The following BSG variants were observed in gnomAD, a reference collection of about 807,000 sequenced individuals.
The protein encoded by BSG is basigin (Ok blood group).
BSG carries 37 observed loss-of-function variants against 43.1 expected under a neutral mutation model. The ratio of observed to expected loss-of-function variants is 0.86; its 90% CI spans 0.66 to 1.13. BSG has a LOEUF of 1.13. Among genes scored for constraint, BSG ranks in the 50% most tolerant of loss-of-function variants. BSG has a pLI of 0.00. For synonymous variants in BSG, 309 were observed against 238.7 expected, an observed-to-expected ratio of 1.29 and a Z score of -2.72; for missense variants, 599 against 554.2, an observed-to-expected ratio of 1.08 and a Z score of -0.81.
intron 2 of BSG, chr19:579,252 A>AGGGTGCCTTCCCGAAGG (rs28992468): frequency 5.2e-5 from 32 of 615,424 alleles, no homozygotes; most frequent in Non-Finnish European, 7.0e-5. Flanking sequence ...CTGCCAGCGA[A>AGGGTGCCTTCCCGAAGG]GGGTGCCTTC....
chr19:572,592 C>G, upstream of BSG: 2 of 1,449,110 alleles, frequency 1.4e-6, no homozygotes, highest in Middle Eastern at 1.8e-4. Context: ...CGGGCGGCGG[C>G]GGCAGCGGTT....
intron 1 of BSG, among the ~76,000 whole-genome samples, chr19:576,859 G>T (rs191693960): frequency 1.8e-3 from 269 of 152,330 alleles, no homozygotes; most frequent in African/African-American, 6.3e-3. Flanking sequence ...TCCTGTCCCC[G>T]TGGCCTTGGG....
In BSG at chr19:575,782, C is replaced by T. The variant is rs375925694; in HGVS notation, c.68-1992C>T. 4.1e-4 allele frequency among the ~76,000 whole-genome samples: 62 copies of T among 152,248 alleles called. No individual in the cohort carries two copies. In the East Asian group the frequency reaches 0.011, roughly 27 times the overall value. ...CGTCTCATGTGGCCAGAATCGAATT[C>T]TAACCTTTCTGGGGCTGTGGCCGAG... is the stretch of plus-strand genomic sequence containing the variant. On this transcript the variant is annotated intron_variant, in intron 1 of 8. Coordinates refer to ENST00000333511, the MANE Select transcript of BSG (RefSeq NM_001728.4).
At chr19:580,246 CTTTT>C (rs1982162889) in intron 3 of BSG, 129 bp from the exon 4 acceptor site, 1 of 769,108 alleles carries the variant, frequency 1.3e-6, no homozygotes, top group African/African-American at 1.7e-5. Context: ...CCCAGGAGTT[CTTTT>C]GAGGTTCAGA....
At chr19:577,440 G>A (rs551307834) in intron 1 of BSG, among the ~76,000 whole-genome samples, 14 of 152,206 alleles carry the variant, frequency 9.2e-5, no homozygotes, top group Admixed American at 2.6e-4. Context: ...AGGACGGTGC[G>A]CTTGGGACCT....
rs1475437909 is a variant in BSG, at chr19:577,757, G to GCGTGCTCTCCCCACAGC, written c.68-14_70dup. On this transcript the variant is annotated splice_polypyrimidine_tract_variant and intron_variant, in intron 1 of 8. Coordinates refer to ENST00000333511, the MANE Select transcript of BSG (RefSeq NM_001728.4). ...GCCCCAGGCACTAACAAGACCCCAC[G>GCGTGCTCTCCCCACAGC]CGTGCTCTCCCCACAGCCGGCTTCG... 1.1e-5 allele frequency: 15 copies of GCGTGCTCTCCCCACAGC among 1,391,484 alleles called. No homozygotes were observed. Among genetic ancestry groups the GCGTGCTCTCCCCACAGC allele is most frequent in the African/African-American group, 8.8e-5 (6 of 68,166 alleles). 86.2% of individuals were successfully genotyped at this position (1,391,484 alleles called of 1,614,324 possible).
intron 1 of BSG, among the ~76,000 whole-genome samples, chr19:575,906 C>T (rs1021940674): frequency 6.6e-6 from 1 of 152,128 alleles, no homozygotes; most frequent in Non-Finnish European, 1.5e-5. Context: ...TCTGCATTGT[C>T]CCCGAGGAGC....
chr19:578,188 C>T, intron 2 of BSG, 67 bp downstream of exon 2: 1 of 1,409,348 alleles, frequency 7.1e-7, no homozygotes, highest in South Asian at 1.4e-5. Context: ...CCTCCCGGCT[C>T]CTGCTCAGTA....
intron 1 of BSG, among the ~76,000 whole-genome samples, chr19:576,962 T>TGTGTGTG (rs1568349198): frequency 0.13 from 20,269 of 151,286 alleles, 1,513 homozygotes; most frequent in South Asian, 0.25. Context: ...ACGTGTGTCC[T>TGTGTGTG]TGTGTGTGTG....
Position 582,599 on chromosome 19 carries a change from C to T in BSG, c.*5+17C>T. ...CTGAGGCAGGTGCGGTGGGCGGGAGCTCCTCCTGAGCCAGGTGTGGTGGGT... is the reference window on the plus strand; with the variant it reads ...CTGAGGCAGGTGCGGTGGGCGGGAGTTCCTCCTGAGCCAGGTGTGGTGGGT... On this transcript the variant is annotated intron_variant, in intron 8 of 8. Transcript: ENST00000333511. 7.1e-7 allele frequency: 1 copy of T among 1,418,010 alleles called. No homozygotes were observed. Among genetic ancestry groups the T allele is most frequent in the Non-Finnish European group, 9.5e-7 (1 of 1,053,220 alleles). The allele number at this position is 1,418,010 out of a possible 1,614,324, so 87.8% of individuals were successfully genotyped here.
intron 1 of BSG, 152 bp from the exon 2 acceptor site, chr19:577,622 T>G (rs577273590): frequency 3.6e-5 from 21 of 580,648 alleles, no homozygotes; most frequent in African/African-American, 3.5e-4. Flanking sequence ...CCATGCTGTT[T>G]CCAGCCGGGC....
At chr19:581,631 G>A in intron 6 of BSG, 40 bp downstream of exon 6, 5 of 1,528,092 alleles carry the variant, frequency 3.3e-6, no homozygotes, top group South Asian at 2.5e-5. Context: ...CCTGCTCTCG[G>A]GGTGGCCCAG....
intron 3 of BSG, 62 bp downstream of exon 3, chr19:579,718 G>A (rs763006257): frequency 2.8e-5 from 43 of 1,550,754 alleles, no homozygotes; most frequent in Non-Finnish European, 3.6e-5. Flanking sequence ...TGCCGCCAGC[G>A]GCCTGTGGTC....
chr19:579,214 C>A, intron 2 of BSG: 1 of 547,418 alleles, frequency 1.8e-6, no homozygotes. Context: ...CCTCTGGGTT[C>A]CCAGCGCCTT....
intron 3 of BSG, 34 bp downstream of exon 3, chr19:579,690 C>A: frequency 1.3e-6 from 2 of 1,576,910 alleles, no homozygotes; most frequent in South Asian, 1.2e-5. Flanking sequence ...CGCCACCTGC[C>A]CCTTCTCACG....
chr19:572,811 G>A (rs28915407), intron 1 of BSG, 110 bp downstream of exon 1: 1 of 1,238,930 alleles, frequency 8.1e-7, no homozygotes, highest in Non-Finnish European at 1.0e-6. Context: ...GGGGCGGCCT[G>A]GGGTGCGAAA....
chr19:579,623 A>C lies in BSG; in HGVS notation c.539A>C (p.Glu180Ala). The change falls in exon 3 of 9, where the codon GAG becomes GCG. Residue 180 changes from glutamate to alanine, a missense_variant. Physicochemically the swap from Glu to Ala is moderately radical, Grantham distance 107. Transcript: ENST00000333511. The stretch of plus-strand genomic sequence containing the variant: ...CTGAAGGGGGGCGTGGTGCTGAAGG[A>C]GGACGCGCTGCCCGGCCAGAAAACG... ...RWLKGGVVLK[E>A]DALPGQKTEF... The C allele has an allele frequency of 6.2e-7, 1 of 1,611,992 alleles. No homozygotes were observed. The highest frequency in any genetic ancestry group is 2.2e-5 in the East Asian group (1 of 44,862).
chr19:578,560 G>A (rs1269291513), intron 2 of BSG, among the ~76,000 whole-genome samples: 1 of 152,230 alleles, frequency 6.6e-6, no homozygotes, highest in African/African-American at 2.4e-5. Flanking sequence ...TTCCTAGCGG[G>A]AATATTGTAA....
intron 1 of BSG, among the ~76,000 whole-genome samples, chr19:574,127 C>G (rs140055452): frequency 6.6e-6 from 1 of 151,948 alleles, no homozygotes; most frequent in Admixed American, 6.6e-5. Context: ...TGTTGGCGCA[C>G]GCCTGTAATC....
Sources: allele counts gnomAD v4.1 joint callset (sites outside exome capture counted in the v4.1 genomes callset), GRCh38; gene constraint gnomAD v4.1.1; transcripts MANE v1.5; gene names NCBI Gene and HGNC (gene_info 2026-07-23, HGNC 2026-07-21).